The following UNC13B variants were observed in gnomAD, a reference collection of about 807,000 sequenced individuals.
The protein encoded by UNC13B is unc-13 homolog B, also known as protein unc-13 homolog B.
A neutral mutation model predicts 211.0 loss-of-function variants in UNC13B; 144 were observed. The observed-to-expected ratio is 0.68, with a 90% CI of 0.60 to 0.78. The LOEUF (loss-of-function observed/expected upper bound fraction) is 0.78. UNC13B is among the 30% of genes least tolerant of loss of function. The pLI, the probability that UNC13B is intolerant of heterozygous loss-of-function variation, is 0.00. For missense variants in UNC13B, 1,777 were observed against 2,002.0 expected (o/e 0.89, Z 2.14); for synonymous variants, 709 against 725.8 (o/e 0.98, Z 0.37).
chr9:35,262,255 C>T (rs553443145), intron 7 of UNC13B, among the ~76,000 whole-genome samples: 5 of 149,916 alleles, frequency 3.3e-5, no homozygotes, highest in African/African-American at 1.2e-4. Flanking sequence ...TTTCCTTTCC[C>T]TTCCTTTCCT....
At position 35,375,128 on chromosome 9, in the gene UNC13B, C is replaced by T; in HGVS notation, c.9542C>T (p.Ser3181Leu). The change falls in exon 14 of 40, where the codon TCA (serine) becomes TTA (leucine). Residue 3181 changes from serine (S) to leucine (L), a missense_variant and splice_region_variant. Transcript: ENST00000635942. The stretch of plus-strand genomic sequence containing the variant: ...CTAACAGCAGATCTTCCCTGACAGT[C>T]ACTGGTCCAGTCTCGGAAGGCAGGA... ...KKPLPLVSDLSLVQSRKAGIT... is the reference protein window; with the variant it reads ...KKPLPLVSDLLLVQSRKAGIT... 1 of 1,614,096 alleles carries T rather than the reference C, an allele frequency of 6.2e-7. No individual in the cohort carries two copies. The highest frequency in any genetic ancestry group is 8.5e-7 in the Non-Finnish European group (1 of 1,179,980).
In UNC13B at chr9:35,398,548, A is replaced by G; in HGVS notation, c.11833-6A>G. On this transcript the variant is annotated splice_polypyrimidine_tract_variant and splice_region_variant and intron_variant, in intron 31 of 39. Transcript: ENST00000635942. ...GCCTAGCCAGGCTTACCTCCTGTGA[A>G]TACAGCTGGACCTTGAAGCTGCAGA... is the stretch of plus-strand genomic sequence containing the variant. 1 of 1,613,822 alleles carries G rather than the reference A, an allele frequency of 6.2e-7. No individual in the cohort carries two copies. The highest frequency in any genetic ancestry group is 1.3e-5 in the African/African-American group (1 of 75,032).
intron 4 of UNC13B, 146 bp downstream of exon 4, chr9:35,236,732 T>C (rs149245433): frequency 2.7e-6 from 2 of 739,160 alleles, no homozygotes; most frequent in African/African-American, 3.5e-5. Flanking sequence ...TGCCTGTTCC[T>C]AACTTCACCT....
At position 35,369,746 on chromosome 9, in the gene UNC13B, T is replaced by C. The variant is rs149509924; in HGVS notation, c.9462-572T>C. 2.8e-4 allele frequency among the ~76,000 whole-genome samples: 43 copies of C among 152,324 alleles called. 1 individual carries two copies. The East Asian group carries it at 8.3e-3, about 29-fold the overall frequency. On this transcript the variant is annotated intron_variant, in intron 12 of 39. Transcript: ENST00000635942. ...ATACCACCTCCCCTATTACACTTGATTATGAGGGCTCCTTTCTCCATGGAG... is the reference window on the plus strand; with the variant it reads ...ATACCACCTCCCCTATTACACTTGACTATGAGGGCTCCTTTCTCCATGGAG...
At chr9:35,313,128 A>G (rs183264565) in intron 10 of UNC13B, among the ~76,000 whole-genome samples, 15 of 152,292 alleles carry the variant, frequency 9.8e-5, no homozygotes, top group African/African-American at 3.6e-4. Context: ...TATACTACGT[A>G]TTGACTCAGG....
intron 11 of UNC13B, among the ~76,000 whole-genome samples, chr9:35,345,104 C>A (rs1363002329): frequency 6.6e-6 from 1 of 152,072 alleles, no homozygotes; most frequent in Non-Finnish European, 1.5e-5. Flanking sequence ...GTGGGGTGTT[C>A]AGTGAGTAGA....
chr9:35,251,977 C>T (rs1826519833), intron 6 of UNC13B, among the ~76,000 whole-genome samples: 1 of 152,176 alleles, frequency 6.6e-6, no homozygotes, highest in Non-Finnish European at 1.5e-5. Flanking sequence ...AAGCATGGGA[C>T]ACCAAGCTCA....
intron 13 of UNC13B, among the ~76,000 whole-genome samples, chr9:35,374,413 G>T (rs1260619833): frequency 6.0e-5 from 6 of 100,030 alleles, no homozygotes; most frequent in South Asian, 4.3e-4. Context: ...TAACTCTCTG[G>T]GCTTGGCAGA....
chr9:35,261,851 C>G (rs1449527756), intron 7 of UNC13B, among the ~76,000 whole-genome samples: 3 of 152,136 alleles, frequency 2.0e-5, no homozygotes, highest in African/African-American at 7.2e-5. Flanking sequence ...TTAGCTCCCA[C>G]AAACGAGTGA....
At chr9:35,206,680 C>A (rs1823666160) in intron 1 of UNC13B, among the ~76,000 whole-genome samples, 1 of 151,992 alleles carries the variant, frequency 6.6e-6, no homozygotes, top group African/African-American at 2.4e-5. Flanking sequence ...TCGAGACCAT[C>A]CTGGCCAACA....
chr9:35,233,130 G>A (rs1287905722), intron 3 of UNC13B, among the ~76,000 whole-genome samples: 1 of 152,104 alleles, frequency 6.6e-6, no homozygotes, highest in Non-Finnish European at 1.5e-5. Flanking sequence ...AGTGTACAGA[G>A]TCAGCTACAA....
At chr9:35,184,091 G>A (rs1432256469) in intron 1 of UNC13B, among the ~76,000 whole-genome samples, 3 of 149,404 alleles carry the variant, frequency 2.0e-5, no homozygotes, top group Non-Finnish European at 3.0e-5. Flanking sequence ...CCGAGCAGAG[G>A]CACTCCTCAC....
At chr9:35,196,114 A>G (rs142089068) in intron 1 of UNC13B, among the ~76,000 whole-genome samples, 20 of 152,158 alleles carry the variant, frequency 1.3e-4, no homozygotes, top group African/African-American at 4.8e-4. Flanking sequence ...TTTCATGTCT[A>G]TCTTTTAAAA....
chr9:35,170,716 T>G (rs546537370), intron 1 of UNC13B, among the ~76,000 whole-genome samples: 1 of 152,252 alleles, frequency 6.6e-6, no homozygotes, highest in African/African-American at 2.4e-5. Flanking sequence ...AAGCAATCCT[T>G]CTGCCTCAGC....
chr9:35,344,417 A>T (rs1338291621), intron 11 of UNC13B, among the ~76,000 whole-genome samples: 2 of 152,174 alleles, frequency 1.3e-5, no homozygotes, highest in Non-Finnish European at 1.5e-5. Context: ...TGTCATGGAA[A>T]CAGAAATGGA....
At chr9:35,265,813 T>C (rs1827538167) in intron 7 of UNC13B, among the ~76,000 whole-genome samples, 1 of 151,826 alleles carries the variant, frequency 6.6e-6, no homozygotes, top group Non-Finnish European at 1.5e-5. Flanking sequence ...AGTAATTGAG[T>C]TCTTGTTCAT....
chr9:35,323,154 A>G (rs1830826350), intron 11 of UNC13B, among the ~76,000 whole-genome samples: 1 of 151,196 alleles, frequency 6.6e-6, no homozygotes, highest in African/African-American at 2.4e-5. Context: ...TGTGCCCCAA[A>G]ACTTGTATGT....
chr9:35,261,422 T>A (rs1564100612), intron 7 of UNC13B, among the ~76,000 whole-genome samples: 2 of 152,162 alleles, frequency 1.3e-5, no homozygotes, highest in Admixed American at 6.5e-5. Flanking sequence ...AAGAACTCCC[T>A]AATTGTCCCC....
At chr9:35,259,889 G>A (rs1827163127) in intron 7 of UNC13B, among the ~76,000 whole-genome samples, 1 of 151,100 alleles carries the variant, frequency 6.6e-6, no homozygotes. Context: ...TGATGGTAAT[G>A]ATTGTAGCAT....
Sources: allele counts gnomAD v4.1 joint callset (sites outside exome capture counted in the v4.1 genomes callset), GRCh38; gene constraint gnomAD v4.1.1; transcripts MANE v1.5; gene names NCBI Gene and HGNC (gene_info 2026-07-23, HGNC 2026-07-21).